ARHGAP39: variants seen among roughly 807,000 people sequenced by gnomAD.
ARHGAP39 encodes Rho GTPase activating protein 39, also known as rho GTPase-activating protein 39.
In ARHGAP39, 44 loss-of-function variants were observed where a neutral mutation model predicts 106.9. The observed-to-expected ratio is 0.41, with a 90% confidence interval of 0.32 to 0.53. The LOEUF (loss-of-function observed/expected upper bound fraction) is 0.53, where lower values mean the gene tolerates loss of function less well. Ranked by LOEUF, ARHGAP39 falls within the 20% of genes least tolerant of loss-of-function variation. ARHGAP39 has a pLI of 0.21. For synonymous variants in ARHGAP39, 768 were observed against 693.2 expected (o/e 1.11, Z -1.69); for missense variants, 1,496 against 1,577.3 (o/e 0.95, Z 0.87).
At chr8:144,611,637 C>T (rs748082059) in intron 1 of ARHGAP39, among the ~76,000 whole-genome samples, 15 of 152,214 alleles carry the variant, frequency 9.9e-5, no homozygotes, top group Non-Finnish European at 2.1e-4. Context: ...TTTGATATTA[C>T]AGTAACTCCG....
At chr8:144,574,530 T>C (rs1270999922) in intron 3 of ARHGAP39, among the ~76,000 whole-genome samples, 8 of 152,024 alleles carry the variant, frequency 5.3e-5, no homozygotes, top group South Asian at 2.1e-4. Context: ...CAAAATTAGC[T>C]GGGTGTGGTG....
intron 3 of ARHGAP39, among the ~76,000 whole-genome samples, chr8:144,568,749 G>GT (rs1818487461): frequency 6.6e-6 from 1 of 151,982 alleles, no homozygotes; most frequent in Admixed American, 6.6e-5. Context: ...GTCAACTATG[G>GT]TAAGTTAATA....
At position 144,604,092 on chromosome 8, in the gene ARHGAP39, C is replaced by T. The variant is rs1586606567; in HGVS notation, c.80+1443G>A. On this transcript the variant is annotated intron_variant, in intron 2 of 11. Coordinates refer to ENST00000377307, the MANE Select transcript of ARHGAP39 (RefSeq NM_025251.3). This position sits in a 1 kb window ranked among gnomAD's most constrained non-coding sequence, Gnocchi z 4.1. ...GCTCAGGTCAAGGCAGAGTGCGGAT[C>T]GCAACTGTGGAAGGTGCACAGAGTC... Among the ~76,000 whole-genome samples, 1 of 152,204 alleles carries T rather than the reference C, an allele frequency of 6.6e-6. No individual in the cohort carries two copies. The highest frequency in any genetic ancestry group is 1.5e-5 in the Non-Finnish European group (1 of 68,032).
chr8:144,661,221 T>C (rs1821814279), intron 1 of ARHGAP39, among the ~76,000 whole-genome samples: 1 of 152,006 alleles, frequency 6.6e-6, no homozygotes, highest in South Asian at 2.1e-4. Flanking sequence ...GAGGAGGCCA[T>C]TCCACTCTAC....
chr8:144,666,382 G>T (rs188903417), intron 1 of ARHGAP39, among the ~76,000 whole-genome samples: 132 of 152,272 alleles, frequency 8.7e-4, no homozygotes, highest in African/African-American at 3.1e-3. Context: ...GATTGGTTTT[G>T]AAATGTGAGG....
At chr8:144,572,517 A>G (rs903907942) in intron 3 of ARHGAP39, among the ~76,000 whole-genome samples, 3 of 152,248 alleles carry the variant, frequency 2.0e-5, no homozygotes, top group African/African-American at 4.8e-5. Context: ...CTAAAACCAT[A>G]AAAACCCTAG....
At chr8:144,553,194 C>T (rs533585559) in intron 4 of ARHGAP39, among the ~76,000 whole-genome samples, 44 of 152,352 alleles carry the variant, frequency 2.9e-4, no homozygotes. Context: ...CCCTGGCACA[C>T]TCTGCACTCC....
Position 144,582,002 on chromosome 8 carries a change from A to C in ARHGAP39, c.81-725T>G, listed in dbSNP as rs143084214. On this transcript the variant is annotated intron_variant, in intron 2 of 11. Transcript: ENST00000377307. ...CATGCATCCGTCTCTTAACCCTGCG[A>C]CAGGCCTGGTCCTCGCCATCACCGG... Among the ~76,000 whole-genome samples, 67 of 152,318 alleles carry C rather than the reference A, an allele frequency of 4.4e-4. 1 individual carries two copies. The East Asian group carries it at 0.012, about 26-fold the overall frequency.
At chr8:144,557,979 C>G (rs893616975) in intron 3 of ARHGAP39, among the ~76,000 whole-genome samples, 2 of 152,204 alleles carry the variant, frequency 1.3e-5, no homozygotes, top group Admixed American at 6.5e-5. Flanking sequence ...TTAAAACAAT[C>G]GAATGAGAAA....
At position 144,592,630 on chromosome 8, in the gene ARHGAP39, G is replaced by C. The variant is rs551544499; in HGVS notation, c.81-11353C>G. 5.9e-3 allele frequency among the ~76,000 whole-genome samples: 865 copies of C among 145,898 alleles called. 5 individuals carry two copies. The highest frequency in any genetic ancestry group is 0.014 in the Middle Eastern group (4 of 278). ...ACCTGAGGGCACCTCCTGGGGGACA[G>C]CACTGAGCCCAGACCCTCGGGAAAC... On this transcript the variant is annotated intron_variant, in intron 2 of 11. Coordinates refer to ENST00000377307, the MANE Select transcript of ARHGAP39 (RefSeq NM_025251.3).
intron 2 of ARHGAP39, among the ~76,000 whole-genome samples, chr8:144,602,778 G>A (rs1164676145): frequency 7.0e-6 from 1 of 143,390 alleles, no homozygotes; most frequent in African/African-American, 2.7e-5. Flanking sequence ...GTGTGTATGT[G>A]CATGGAGGCG....
intron 1 of ARHGAP39, among the ~76,000 whole-genome samples, chr8:144,609,074 C>T (rs990549861): frequency 1.3e-5 from 2 of 152,188 alleles, no homozygotes; most frequent in African/African-American, 4.8e-5. Flanking sequence ...GAAGAACCTG[C>T]AGTATTATTA....
chr8:144,548,341 G>C lies in ARHGAP39; in HGVS notation c.745C>G (p.Gln249Glu). The stretch of plus-strand genomic sequence containing the variant: ...AAGGTCTGCAGGCTGGGTGAGTGCT[G>C]GCTGCCGGAGGGTCTGCGGGAGCGG... ...GVRSRRPSGS[Q>E]HSPSLQTFAP... The change falls in exon 5 of 12, where the codon CAG (glutamine) becomes GAG (glutamate). Residue 249 changes from glutamine to glutamate, a missense_variant. Transcript: ENST00000377307. The surrounding 1 kb of genome is among the most constrained non-coding windows in gnomAD (Gnocchi z 7.4). 6.2e-7 allele frequency: 1 copy of C among 1,606,728 alleles called. No individual in the cohort carries two copies. The highest frequency in any genetic ancestry group is 1.1e-5 in the South Asian group (1 of 90,552).
chr8:144,658,182 T>TC (rs1821742777), intron 1 of ARHGAP39, among the ~76,000 whole-genome samples: 1 of 152,118 alleles, frequency 6.6e-6, no homozygotes, highest in African/African-American at 2.4e-5. Context: ...CGATCTTGGC[T>TC]CACTGTAACC....
chr8:144,665,091 C>G (rs1368452263), intron 1 of ARHGAP39, among the ~76,000 whole-genome samples: 1 of 152,172 alleles, frequency 6.6e-6, no homozygotes, highest in Non-Finnish European at 1.5e-5. Context: ...ATGGAGATAA[C>G]AAACTTGTTG....
chr8:144,552,041 A>G (rs1302971411), intron 4 of ARHGAP39, among the ~76,000 whole-genome samples: 1 of 152,206 alleles, frequency 6.6e-6, no homozygotes, highest in African/African-American at 2.4e-5. Flanking sequence ...CAGAGAGACC[A>G]TCTCCCCCAT....
Position 144,547,717 on chromosome 8 carries a change from G to A in ARHGAP39, c.1369C>T (p.Arg457Trp). 1.3e-6 allele frequency: 2 copies of A among 1,592,294 alleles called. No individual in the cohort carries two copies. The highest frequency in any genetic ancestry group is 1.1e-5 in the South Asian group (1 of 89,260). ...AGCGGCGTGGGCGGCTGGCTGTGCCGCAGCTCAGGTCCCTCCATGGTGCTG... is the reference window on the plus strand; with the variant it reads ...AGCGGCGTGGGCGGCTGGCTGTGCCACAGCTCAGGTCCCTCCATGGTGCTG... ...DYSTMEGPEL[R>W]HSQPPTPLPQ... is the part of the protein sequence containing the mutation. Residue 457 changes from arginine (R) to tryptophan (W), a missense_variant, in exon 5 of 12, where the codon CGG (arginine) becomes TGG (tryptophan). By Grantham distance (101) the Arg-to-Trp change is moderately radical. Transcript: ENST00000377307. This position sits in a 1 kb window ranked among gnomAD's most constrained non-coding sequence, Gnocchi z 5.2.
chr8:144,619,607 C>G (rs1820734266), intron 1 of ARHGAP39, among the ~76,000 whole-genome samples: 1 of 146,076 alleles, frequency 6.8e-6, no homozygotes, highest in African/African-American at 2.6e-5. Context: ...AGAGAGCGTG[C>G]ATGTCCGTGT....
the ARHGAP39 span, among the ~76,000 whole-genome samples, chr8:144,693,060 T>C: frequency 2.9e-5 from 1 of 34,986 alleles, no homozygotes; most frequent in Non-Finnish European, 9.0e-5. Flanking sequence ...CGCCCGGCCT[T>C]TTTTTTTTTT....
Sources: allele counts gnomAD v4.1 joint callset (sites outside exome capture counted in the v4.1 genomes callset), GRCh38; gene constraint gnomAD v4.1.1; non-coding constraint Gnocchi (gnomAD v3.1); transcripts MANE v1.5; gene names NCBI Gene and HGNC (gene_info 2026-07-23, HGNC 2026-07-21).